Variants in ASTN2 observed in about 807,000 individuals in gnomAD.
ASTN2 encodes astrotactin 2.
A neutral mutation model predicts 139.8 loss-of-function variants in ASTN2; 54 were observed. The observed-to-expected ratio is 0.39, with a 90% CI of 0.31 to 0.48. The LOEUF (loss-of-function observed/expected upper bound fraction) is 0.48, where lower values mean the gene tolerates loss of function less well. Ranked by LOEUF, ASTN2 falls within the 20% of genes least tolerant of loss-of-function variation. ASTN2 has a pLI of 0.95. For synonymous variants in ASTN2, 756 were observed against 719.5 expected (o/e 1.05, Z -0.81); for missense variants, 1,565 against 1,725.1 (o/e 0.91, Z 1.64).
intron 19 of ASTN2, among the ~76,000 whole-genome samples, chr9:116,617,860 C>T (rs1855932590): frequency 6.6e-6 from 1 of 152,204 alleles, no homozygotes; most frequent in African/African-American, 2.4e-5. Flanking sequence ...AGCCAACATT[C>T]TCAAATGCTC....
chr9:117,227,027 T>A (rs1233705722), intron 2 of ASTN2, among the ~76,000 whole-genome samples: 2 of 151,912 alleles, frequency 1.3e-5, no homozygotes, highest in Admixed American at 6.6e-5. Context: ...GAAAAATAAG[T>A]TTCATATGGG....
chr9:116,735,855 C>T lies in ASTN2; in HGVS notation c.2397-2332G>A, dbSNP rs1255433309. ...AGCTGTGTAACCTGGAGCAAACCAA[C>T]CAAATCTCAAGGTTCTGTTCTGTAA... On this transcript the variant is annotated intron_variant, in intron 13 of 22. Transcript: ENST00000313400. Among the ~76,000 whole-genome samples the T allele has an allele frequency of 4.6e-5, 7 of 152,332 alleles. No individual in the cohort carries two copies. In the South Asian group the frequency reaches 6.2e-4, roughly 14 times the overall value.
intron 1 of ASTN2, among the ~76,000 whole-genome samples, chr9:117,394,998 T>C (rs1367862245): frequency 2.3e-4 from 35 of 152,182 alleles, no homozygotes; most frequent in South Asian, 2.1e-4. Context: ...GGAAAGAGCA[T>C]GGGGGAAATG....
intron 1 of ASTN2, among the ~76,000 whole-genome samples, chr9:117,328,605 C>T (rs1395962686): frequency 6.6e-6 from 1 of 152,144 alleles, no homozygotes; most frequent in Non-Finnish European, 1.5e-5. Flanking sequence ...GTTAATTAAT[C>T]CCTCACCACT....
chr9:117,374,369 T>TAAAAAAAAAAAAAAAA (rs57428022), intron 1 of ASTN2, among the ~76,000 whole-genome samples: 17 of 87,328 alleles, frequency 1.9e-4, no homozygotes, highest in African/African-American at 8.3e-4. Flanking sequence ...AGGGCAGGGT[T>TAAAAAAAAAAAAAAAA]AAAAAAAAAA....
chr9:116,733,775 C>T (rs540339015), intron 13 of ASTN2, among the ~76,000 whole-genome samples: 1 of 152,292 alleles, frequency 6.6e-6, no homozygotes, highest in East Asian at 1.9e-4. Flanking sequence ...GCTACTGTTC[C>T]TCTCAGAACC....
chr9:116,433,349 T>C (rs1218069431), intron 22 of ASTN2, among the ~76,000 whole-genome samples: 1 of 152,208 alleles, frequency 6.6e-6, no homozygotes, highest in Admixed American at 6.5e-5. Context: ...TATGTATTTG[T>C]TAAACATAGT....
At chr9:116,496,744 G>C (rs1849680335) in intron 19 of ASTN2, among the ~76,000 whole-genome samples, 1 of 152,166 alleles carries the variant, frequency 6.6e-6, no homozygotes. Context: ...ACATGGCTGG[G>C]GAGGCCTCAA....
intron 19 of ASTN2, among the ~76,000 whole-genome samples, chr9:116,506,565 T>A (rs1850117968): frequency 6.6e-6 from 1 of 152,004 alleles, no homozygotes. Context: ...ACTAGAGCTC[T>A]GGCCCTCATC....
intron 10 of ASTN2, among the ~76,000 whole-genome samples, chr9:116,900,151 G>T (rs189402332): frequency 4.7e-4 from 72 of 152,210 alleles, no homozygotes; most frequent in African/African-American, 1.6e-3. Context: ...TTTCTCTATT[G>T]CAATGCTGCT....
chr9:117,214,773 G>C, intron 2 of ASTN2, 31 bp from the exon 3 acceptor site: 1 of 1,442,706 alleles, frequency 6.9e-7, no homozygotes, highest in Non-Finnish European at 9.1e-7. Flanking sequence ...ACACAAATGG[G>C]CCACTGTTCT....
intron 19 of ASTN2, among the ~76,000 whole-genome samples, chr9:116,601,635 G>T (rs1290679123): frequency 2.0e-5 from 3 of 152,160 alleles, no homozygotes; most frequent in Non-Finnish European, 4.4e-5. Flanking sequence ...GTGAACAAGA[G>T]AAAAGAGTTA....
chr9:116,927,555 A>G (rs571664368), intron 10 of ASTN2, among the ~76,000 whole-genome samples: 21 of 152,298 alleles, frequency 1.4e-4, no homozygotes, highest in Middle Eastern at 3.4e-3. Context: ...GATCAGCTCT[A>G]TCTATGAGAA....
intron 10 of ASTN2, among the ~76,000 whole-genome samples, chr9:116,874,550 T>C (rs1833247637): frequency 6.6e-6 from 1 of 152,182 alleles, no homozygotes; most frequent in Admixed American, 6.5e-5. Flanking sequence ...GAGGCAATAA[T>C]ATTCAACTCA....
chr9:116,749,542 C>A (rs925454679), intron 13 of ASTN2, among the ~76,000 whole-genome samples: 1 of 152,196 alleles, frequency 6.6e-6, no homozygotes, highest in African/African-American at 2.4e-5. Flanking sequence ...ATGCTCCCAG[C>A]ACCATAAGTT....
chr9:116,792,044 G>A (rs1830574132), intron 13 of ASTN2, among the ~76,000 whole-genome samples: 1 of 151,988 alleles, frequency 6.6e-6, no homozygotes, highest in Admixed American at 6.6e-5. Context: ...TATATTTAGA[G>A]ATGTTAACAT....
In ASTN2 at chr9:116,651,808, G is replaced by C; in HGVS notation, c.2807-15C>G. On this transcript the variant is annotated splice_polypyrimidine_tract_variant and intron_variant, in intron 16 of 22. Transcript: ENST00000313400. ...CTCTGTGGTCTCTGGAGAGGCACAA[G>C]ACAGGAAGAGCGAAAGGTAAACTCA... The C allele has an allele frequency of 1.9e-6, 3 of 1,608,254 alleles. No individual in the cohort carries two copies. Among genetic ancestry groups the C allele is most frequent in the Non-Finnish European group, 2.6e-6 (3 of 1,175,404 alleles).
intron 20 of ASTN2, among the ~76,000 whole-genome samples, chr9:116,483,270 T>C (rs866894396): frequency 2.0e-5 from 3 of 152,254 alleles, no homozygotes; most frequent in Non-Finnish European, 4.4e-5. Flanking sequence ...AACAAGGAAA[T>C]TCAATTTAAA....
At chr9:117,364,324 C>G (rs541237626) in intron 1 of ASTN2, among the ~76,000 whole-genome samples, 18 of 152,266 alleles carry the variant, frequency 1.2e-4, no homozygotes, top group Non-Finnish European at 1.0e-4. Context: ...TAGAACTCAT[C>G]ATGAAGGGCT....
Sources: gnomAD v4.1 joint callset for allele counts (sites outside exome capture counted in the v4.1 genomes callset) on GRCh38, gnomAD v4.1.1 for gene constraint, MANE v1.5 for transcripts, NCBI Gene and HGNC (gene_info 2026-07-23, HGNC 2026-07-21) for gene names.